The following RNF34 variants were observed in gnomAD, a reference collection of about 807,000 sequenced individuals.
The protein encoded by RNF34 is ring finger protein 34, also known as E3 ubiquitin-protein ligase RNF34.
A neutral mutation model predicts 37.9 loss-of-function variants in RNF34; 12 were observed. The observed-to-expected ratio is 0.32, with a 90% CI of 0.20 to 0.51. The LOEUF (loss-of-function observed/expected upper bound fraction) is 0.51, where lower values mean the gene tolerates loss of function less well. RNF34 is among the 20% of genes least tolerant of loss of function. RNF34 has a pLI of 0.97. For synonymous variants in RNF34, 155 were observed against 177.2 expected (o/e 0.87, Z 1.00); for missense variants, 362 against 472.7 (o/e 0.77, Z 2.17).
At chr12:121,419,215 T>C (rs1179530542) in intron 3 of RNF34, among the ~76,000 whole-genome samples, 6 of 152,234 alleles carry the variant, frequency 3.9e-5, no homozygotes, top group Admixed American at 3.3e-4. Context: ...TACTGTGTTA[T>C]AGCTGCCTAC....
At chr12:121,415,840 C>CTTTT (rs782608817) in intron 1 of RNF34, among the ~76,000 whole-genome samples, 1,314 of 108,034 alleles carry the variant, frequency 0.012, 38 homozygotes, top group Non-Finnish European at 0.015. Context: ...TTTGTCCAGT[C>CTTTT]TTTTTTTTTT....
chr12:121,423,436 A>G lies in RNF34; in HGVS notation c.979A>G (p.Ile327Val). ...TGAGGAAGACGACAGCCTGTGTCGC[A>G]TCTGCATGGATGCCGTCATCGACTG... ...QDEEDDSLCRICMDAVIDCVL... is the reference protein window; with the variant it reads ...QDEEDDSLCRVCMDAVIDCVL... The change falls in exon 6 of 6, where the codon ATC (isoleucine) becomes GTC (valine). Residue 327 changes from isoleucine to valine, a missense_variant. Transcript: ENST00000361234. This position sits in a 1 kb window ranked among gnomAD's most constrained non-coding sequence, Gnocchi z 4.3. The G allele has an allele frequency of 6.2e-6, 10 of 1,613,190 alleles. No individual in the cohort carries two copies. Among genetic ancestry groups the G allele is most frequent in the Non-Finnish European group, 7.6e-6 (9 of 1,179,600 alleles).
At chr12:121,413,535 C>T (rs1871295339) in intron 1 of RNF34, among the ~76,000 whole-genome samples, 1 of 151,434 alleles carries the variant, frequency 6.6e-6, no homozygotes, top group Non-Finnish European at 1.5e-5. Context: ...CCTCAGCCTC[C>T]CGAGTAGCTG....
At chr12:121,419,062 T>C (rs1871847668) in intron 3 of RNF34, among the ~76,000 whole-genome samples, 1 of 152,202 alleles carries the variant, frequency 6.6e-6, no homozygotes, top group South Asian at 2.1e-4. Flanking sequence ...TCTAATTGCC[T>C]TCTAGATATA....
chr12:121,415,286 A>G (rs781876092), intron 1 of RNF34: 1 of 384,078 alleles, frequency 2.6e-6, no homozygotes, highest in South Asian at 1.8e-5. Flanking sequence ...TATTATACCC[A>G]ATTACAAATG....
chr12:121,404,681 C>G (rs1170882724), intron 1 of RNF34, among the ~76,000 whole-genome samples: 2 of 152,070 alleles, frequency 1.3e-5, no homozygotes, highest in Non-Finnish European at 2.9e-5. Context: ...CTGCGCCCAG[C>G]CTGTCATTTA....
chr12:121,400,581 C>T (rs1204816629), intron 1 of RNF34, among the ~76,000 whole-genome samples: 6 of 152,218 alleles, frequency 3.9e-5, no homozygotes, highest in Admixed American at 3.3e-4. Flanking sequence ...GCGGCGTGCC[C>T]TTTCCCGCCC....
chr12:121,415,383 G>A, intron 1 of RNF34: 1 of 273,900 alleles, frequency 3.7e-6, no homozygotes, highest in South Asian at 3.0e-5. Flanking sequence ...CACTTCAGGA[G>A]GCCAAGGTAG....
rs1555283238 is a variant in RNF34, at chr12:121,420,790, T to G, written c.928+12T>G. The G allele has an allele frequency of 6.3e-7, 1 of 1,591,996 alleles. No individual in the cohort carries two copies. The highest frequency in any genetic ancestry group is 8.6e-7 in the Non-Finnish European group (1 of 1,160,694). ...AAACCAAAAGTCCTGTAGGTTTATC[T>G]TTTCATTTTTTCCCTGTAGTATTTT... On this transcript the variant is annotated intron_variant, in intron 5 of 5. Transcript: ENST00000361234.
chr12:121,401,703 A>G (rs2136888984), intron 1 of RNF34, among the ~76,000 whole-genome samples: 1 of 152,320 alleles, frequency 6.6e-6, no homozygotes, highest in African/African-American at 2.4e-5. Context: ...TATCGAAGGA[A>G]AGAATTAGAG....
rs1555282323 is a variant in RNF34 at position 121,417,458 on chromosome 12, A to G, written c.226-46A>G. The G allele has an allele frequency of 6.6e-7, 1 of 1,518,836 alleles. No individual in the cohort carries two copies. The highest frequency in any genetic ancestry group is 8.9e-7 in the Non-Finnish European group (1 of 1,125,360). 94.1% of individuals were successfully genotyped at this position (1,518,836 alleles called of 1,614,324 possible). A position where few individuals can be genotyped will look rare whatever the true frequency, so the allele number is the denominator to read the frequency against. ...AGGCAGAAAGAAAACTCATGCTTTCATAATGGTTTATATCTTGCTGTCATC... is the reference window on the plus strand; with the variant it reads ...AGGCAGAAAGAAAACTCATGCTTTCGTAATGGTTTATATCTTGCTGTCATC... On this transcript the variant is annotated intron_variant, in intron 2 of 5. Transcript: ENST00000361234. This position sits in a 1 kb window ranked among gnomAD's most constrained non-coding sequence, Gnocchi z 5.0.
chr12:121,420,378 G>A (rs1555283101), intron 4 of RNF34, 44 bp downstream of exon 4: 2 of 1,554,046 alleles, frequency 1.3e-6, no homozygotes, highest in Non-Finnish European at 1.7e-6. Flanking sequence ...ATGTCAGCCT[G>A]ACAGGAAGGG....
At chr12:121,405,268 T>C (rs962239643) in intron 1 of RNF34, among the ~76,000 whole-genome samples, 4 of 152,154 alleles carry the variant, frequency 2.6e-5, no homozygotes, top group Admixed American at 2.6e-4. Flanking sequence ...TTGAGGAGTT[T>C]CAGTGAAGGA....
In RNF34 at chr12:121,420,266, AAC is replaced by A. The variant is rs1872000764; in HGVS notation, c.662_663del (p.Thr221ArgfsTer3). On this transcript the variant is annotated frameshift_variant, in exon 4 of 6. Transcript: ENST00000361234. LOFTEE classifies it high-confidence loss of function. ...AQVQSEITSA[N>X]TEDDDDDDDE... ...GGTACAAAGTGAAATCACTTCAGCA[AAC>A]ACAGAAGATGATGATGACGACGATG... 2 of 1,605,496 alleles carry A rather than the reference AAC, an allele frequency of 1.2e-6. No individual in the cohort carries two copies. The highest frequency in any genetic ancestry group is 1.7e-6 in the Non-Finnish European group (2 of 1,174,450).
chr12:121,407,205 T>G (rs1184643688), intron 1 of RNF34, among the ~76,000 whole-genome samples: 1 of 152,222 alleles, frequency 6.6e-6, no homozygotes, highest in Non-Finnish European at 1.5e-5. Context: ...AAGTAGGTCA[T>G]GAAAGCCCAG....
In RNF34 at chr12:121,423,561, C is replaced by G; in HGVS notation, c.1104C>G (p.His368Gln). Residue 368 changes from histidine (H) to glutamine (Q), a missense_variant, in exon 6 of 6, where the codon CAC becomes CAG. Coordinates refer to ENST00000361234, the MANE Select transcript of RNF34 (RefSeq NM_025126.4). This position sits in a 1 kb window ranked among gnomAD's most constrained non-coding sequence, Gnocchi z 4.3. ...ICRQYVVRAV[H>Q]VFKS ...GGCAGTATGTGGTGCGAGCCGTGCA[C>G]GTGTTCAAGTCCTGAAACAGGCTCC... is the stretch of plus-strand genomic sequence containing the variant. 6.2e-7 allele frequency: 1 copy of G among 1,613,446 alleles called. No homozygotes were observed. The highest frequency in any genetic ancestry group is 8.5e-7 in the Non-Finnish European group (1 of 1,179,534).
chr12:121,416,511 A>T (rs1871588166), intron 2 of RNF34, 134 bp downstream of exon 2: 2 of 650,868 alleles, frequency 3.1e-6, no homozygotes, highest in Non-Finnish European at 5.3e-6. Context: ...GCCATTTTCC[A>T]TCTAGAAAAA....
In RNF34 at chr12:121,400,131, A is replaced by C; in HGVS notation, c.-82A>C. On this transcript the variant is annotated 5_prime_UTR_variant, in exon 1 of 6. Coordinates refer to ENST00000361234, the MANE Select transcript of RNF34 (RefSeq NM_025126.4). Reference sequence around the variant, plus strand: ...CCGGGGCGCGGTAATCACCGCCCAGAGGGAAGGAGGTCGGCAGTGTGAGGA... The same window carrying C: ...CCGGGGCGCGGTAATCACCGCCCAGCGGGAAGGAGGTCGGCAGTGTGAGGA... 1 of 1,521,546 alleles carries C rather than the reference A, an allele frequency of 6.6e-7. No homozygotes were observed. The highest frequency in any genetic ancestry group is 8.9e-7 in the Non-Finnish European group (1 of 1,126,862). 94.3% of individuals were successfully genotyped at this position (1,521,546 alleles called of 1,614,324 possible).
At chr12:121,418,330 G>C (rs573608438) in intron 3 of RNF34, 3 of 161,556 alleles carry the variant, frequency 1.9e-5, no homozygotes, top group African/African-American at 7.2e-5. Flanking sequence ...CAGTGAAATT[G>C]TTCTAATTTA....
Sources: gnomAD v4.1 joint callset for allele counts (sites outside exome capture counted in the v4.1 genomes callset) on GRCh38, gnomAD v4.1.1 for gene constraint, Gnocchi (gnomAD v3.1) non-coding constraint, MANE v1.5 for transcripts, NCBI Gene and HGNC (gene_info 2026-07-23, HGNC 2026-07-21) for gene names.